Variants in PGM2L1 observed in about 807,000 individuals in gnomAD.
PGM2L1 encodes glucose 1,6-bisphosphate synthase.
A neutral mutation model predicts 73.4 loss-of-function variants in PGM2L1; 35 were observed. The ratio of observed to expected loss-of-function variants is 0.48; its 90% CI spans 0.36 to 0.63. The LOEUF is 0.63. Ranked by LOEUF, PGM2L1 falls within the 30% of genes least tolerant of loss-of-function variation. The probability of loss-of-function intolerance (pLI) is 0.00; values close to 1 mark genes in which losing one functional copy is unlikely to be tolerated. For missense variants in PGM2L1, 570 were observed against 742.0 expected, an observed-to-expected ratio of 0.77 and a Z score of 2.69; for synonymous variants, 225 against 253.8, an observed-to-expected ratio of 0.89 and a Z score of 1.08.
intron 1 of PGM2L1, among the ~76,000 whole-genome samples, chr11:74,388,731 T>A (rs1303615028): frequency 6.6e-6 from 1 of 152,226 alleles, no homozygotes. Context: ...TTTGGTAAGA[T>A]ACACTCCTCA....
intron 1 of PGM2L1, 135 bp downstream of exon 1, chr11:74,397,916 A>C (rs1174936456): frequency 7.4e-7 from 1 of 1,352,094 alleles, no homozygotes; most frequent in South Asian, 1.9e-5. Flanking sequence ...GTGGGTGGCA[A>C]CGCCCTGCTC....
intron 1 of PGM2L1, among the ~76,000 whole-genome samples, chr11:74,396,748 C>T (rs189538716): frequency 3.9e-5 from 6 of 152,314 alleles, no homozygotes; most frequent in Admixed American, 6.5e-5. Context: ...CAAGGCCCCA[C>T]CCCAGGCCTC....
chr11:74,383,816 T>A (rs1405563672), intron 1 of PGM2L1, among the ~76,000 whole-genome samples: 4 of 106,184 alleles, frequency 3.8e-5, no homozygotes, highest in African/African-American at 1.5e-4. Context: ...TATGGAGATA[T>A]ATAAATAAAT....
chr11:74,351,027 T>C (rs1044293584), intron 6 of PGM2L1, among the ~76,000 whole-genome samples: 10 of 152,354 alleles, frequency 6.6e-5, no homozygotes, highest in African/African-American at 2.4e-4. Context: ...TTTCTGTCTC[T>C]ATAGATTTGC....
At position 74,343,327 on chromosome 11, in the gene PGM2L1, A is replaced by C. The variant is rs759492037; in HGVS notation, c.1308T>G (p.Ser436=). 6.2e-7 allele frequency: 1 copy of C among 1,604,436 alleles called. No homozygotes were observed. The highest frequency in any genetic ancestry group is 8.5e-7 in the Non-Finnish European group (1 of 1,177,760). Residue 436 remains serine (S), a synonymous_variant, in exon 10 of 14, where the codon TCT becomes TCG. Transcript: ENST00000298198. ...GKEVLFAFEE[S]IGFLCGTSVL... ...ATTTTAATATTTACTACATACCAATAGACTCTTCAAATGCAAAAAGGACTT... is the reference window on the plus strand; with the variant it reads ...ATTTTAATATTTACTACATACCAATCGACTCTTCAAATGCAAAAAGGACTT...
intron 5 of PGM2L1, 118 bp downstream of exon 5, chr11:74,368,374 A>T: frequency 7.5e-6 from 6 of 795,358 alleles, no homozygotes; most frequent in Non-Finnish European, 8.1e-6. Flanking sequence ...AGTGTTTTTA[A>T]CTTTCTGTTC....
At chr11:74,365,647 CA>C (rs1485878170) in intron 5 of PGM2L1, among the ~76,000 whole-genome samples, 1 of 152,072 alleles carries the variant, frequency 6.6e-6, no homozygotes, top group African/African-American at 2.4e-5. Flanking sequence ...AAATGCAAAT[CA>C]AAACCACAAT....
intron 1 of PGM2L1, among the ~76,000 whole-genome samples, chr11:74,375,263 T>A (rs662393): frequency 2.6e-5 from 4 of 151,988 alleles, no homozygotes; most frequent in Non-Finnish European, 5.9e-5. Context: ...TGTGAGGCAG[T>A]GCATGCCAAC....
At chr11:74,395,196 A>G (rs1461461735) in intron 1 of PGM2L1, among the ~76,000 whole-genome samples, 2 of 152,090 alleles carry the variant, frequency 1.3e-5, no homozygotes, top group African/African-American at 4.8e-5. Context: ...TCTGTTAAGG[A>G]TACTTATTAC....
At chr11:74,343,614 A>G (rs980542147) in intron 9 of PGM2L1, among the ~76,000 whole-genome samples, 198 bp from the exon 10 acceptor site, 1 of 152,176 alleles carries the variant, frequency 6.6e-6, no homozygotes, top group Non-Finnish European at 1.5e-5. Flanking sequence ...ATGACCTACT[A>G]TTTACAGATT....
chr11:74,338,125 C>T (rs1862124859), intron 13 of PGM2L1, among the ~76,000 whole-genome samples: 1 of 152,066 alleles, frequency 6.6e-6, no homozygotes, highest in Non-Finnish European at 1.5e-5. Flanking sequence ...CATGGTGGAA[C>T]CTAGAAACCA....
chr11:74,391,736 G>A (rs1863104725), intron 1 of PGM2L1, among the ~76,000 whole-genome samples: 1 of 152,064 alleles, frequency 6.6e-6, no homozygotes, highest in Non-Finnish European at 1.5e-5. Flanking sequence ...TCGTTAGTTA[G>A]TTATTAACAT....
chr11:74,338,401 T>G (rs1266496513), intron 13 of PGM2L1, 67 bp downstream of exon 13: 15 of 1,371,052 alleles, frequency 1.1e-5, no homozygotes, highest in Non-Finnish European at 1.5e-5. Flanking sequence ...GTGCGTGAGC[T>G]GTATGGTATG....
Position 74,366,477 on chromosome 11 carries a change from G to A in PGM2L1, c.555+2015C>T, listed in dbSNP as rs141068111. On this transcript the variant is annotated intron_variant, in intron 5 of 13. Coordinates refer to ENST00000298198, the MANE Select transcript of PGM2L1 (RefSeq NM_173582.6). Reference sequence around the variant, plus strand: ...CATCTCTTAAAAAAAAAAAAAGGAAGAAGCAGCGATAAGTTCTGTGAAAGA... The same window carrying A: ...CATCTCTTAAAAAAAAAAAAAGGAAAAAGCAGCGATAAGTTCTGTGAAAGA... 5.2e-3 allele frequency among the ~76,000 whole-genome samples: 759 copies of A among 147,132 alleles called. 11 individuals carry two copies. Among genetic ancestry groups the A allele is most frequent in the Middle Eastern group, 7.2e-3 (2 of 276 alleles).
chr11:74,391,118 T>C (rs1458209619), intron 1 of PGM2L1, among the ~76,000 whole-genome samples: 4 of 152,130 alleles, frequency 2.6e-5, no homozygotes, highest in African/African-American at 9.7e-5. Context: ...CTTACTCAGC[T>C]TTGTCTTTCC....
chr11:74,368,599 T>G, intron 4 of PGM2L1, 24 bp from the exon 5 acceptor site: 1 of 1,594,058 alleles, frequency 6.3e-7, no homozygotes, highest in Non-Finnish European at 8.6e-7. Flanking sequence ...AACACCATAA[T>G]TCCATTTTGC....
chr11:74,385,149 T>G (rs937734446), intron 1 of PGM2L1, among the ~76,000 whole-genome samples: 1 of 152,228 alleles, frequency 6.6e-6, no homozygotes, highest in Non-Finnish European at 1.5e-5. Context: ...GTCTGTTTTT[T>G]CCAGTTGTTG....
chr11:74,371,439 C>T (rs544407043), intron 3 of PGM2L1, among the ~76,000 whole-genome samples: 43 of 152,232 alleles, frequency 2.8e-4, no homozygotes, highest in African/African-American at 7.9e-4. Context: ...TACTACTACC[C>T]GGTGCCTTTG....
chr11:74,386,020 AATATG>A (rs1378110931), intron 1 of PGM2L1, among the ~76,000 whole-genome samples: 2 of 152,216 alleles, frequency 1.3e-5, no homozygotes, highest in Non-Finnish European at 2.9e-5. Context: ...GAAATGGTTA[AATATG>A]ATATATTTAC....
Sources: gnomAD v4.1 joint callset for allele counts (sites outside exome capture counted in the v4.1 genomes callset) on GRCh38, gnomAD v4.1.1 for gene constraint, MANE v1.5 for transcripts, NCBI Gene and HGNC (gene_info 2026-07-23, HGNC 2026-07-21) for gene names.